CELF2: variants seen among roughly 807,000 people sequenced by gnomAD.
CELF2 encodes CUG triplet repeat RNA-binding protein 2.
A neutral mutation model predicts 62.6 loss-of-function variants in CELF2; 8 were observed. That is an observed-to-expected ratio of 0.13 (90% CI 0.07 to 0.23). The LOEUF is 0.23. CELF2 is among the 10% of genes least tolerant of loss of function. The pLI is 1.00. For missense variants in CELF2, 333 were observed against 671.0 expected (o/e 0.50, Z 5.56); for synonymous variants, 258 against 250.0 (o/e 1.03, Z -0.30).
chr10:11,313,907 A>C (rs2094735565), intron 9 of CELF2, among the ~76,000 whole-genome samples: 1 of 152,066 alleles, frequency 6.6e-6, no homozygotes, highest in South Asian at 2.1e-4. Flanking sequence ...AGATTTCCCC[A>C]CCATCCAGCA....
intron 1 of CELF2, among the ~76,000 whole-genome samples, chr10:11,135,109 G>T (rs1248040474): frequency 6.6e-6 from 1 of 152,166 alleles, no homozygotes; most frequent in Non-Finnish European, 1.5e-5. Context: ...AGGAAAAAAT[G>T]CTGCTTTGGT....
At chr10:11,283,823 GGTGGATGATGGATGGA>G (rs1208737870) in intron 8 of CELF2, among the ~76,000 whole-genome samples, 3 of 151,996 alleles carry the variant, frequency 2.0e-5, no homozygotes, top group South Asian at 2.1e-4. Context: ...GTGGATGGTG[GGTGGATGATGGATGGA>G]GTGGATGAGG....
At chr10:10,649,508 C>A in the CELF2 span, among the ~76,000 whole-genome samples, 1 of 151,806 alleles carries the variant, frequency 6.6e-6, no homozygotes. Flanking sequence ...GTTTTACATA[C>A]AGATATATCT....
intron 1 of CELF2, among the ~76,000 whole-genome samples, chr10:10,821,170 T>G (rs1446548671): frequency 6.6e-6 from 1 of 151,950 alleles, no homozygotes; most frequent in African/African-American, 2.4e-5. Context: ...GGCAACCAGG[T>G]TTGGGGTTGA....
chr10:10,739,303 T>C, the CELF2 span, among the ~76,000 whole-genome samples: 1 of 152,216 alleles, frequency 6.6e-6, no homozygotes, highest in Non-Finnish European at 1.5e-5. Flanking sequence ...ATTTACATAA[T>C]AAAATTTGTT....
chr10:10,594,448 T>A, the CELF2 span, among the ~76,000 whole-genome samples: 1 of 152,200 alleles, frequency 6.6e-6, no homozygotes, highest in African/African-American at 2.4e-5. Flanking sequence ...TGCGAAACTC[T>A]GGCCATCCCA....
At chr10:10,915,246 A>G (rs1591858372) in intron 1 of CELF2, among the ~76,000 whole-genome samples, 1 of 152,166 alleles carries the variant, frequency 6.6e-6, no homozygotes, top group Non-Finnish European at 1.5e-5. Context: ...AAATACTGCT[A>G]TAACTATATC....
chr10:10,687,705 G>A, the CELF2 span, among the ~76,000 whole-genome samples: 2 of 152,114 alleles, frequency 1.3e-5, no homozygotes, highest in Admixed American at 6.5e-5. Flanking sequence ...GTTAAATTTT[G>A]TATCTAATTT....
the CELF2 span, among the ~76,000 whole-genome samples, chr10:10,606,513 C>T: frequency 7.2e-5 from 11 of 152,238 alleles, no homozygotes; most frequent in Admixed American, 2.0e-4. Context: ...GAGGCAGGCA[C>T]CACTGCCACT....
intron 1 of CELF2, among the ~76,000 whole-genome samples, chr10:11,068,162 A>T (rs1052552705): frequency 1.3e-5 from 2 of 152,224 alleles, no homozygotes; most frequent in Non-Finnish European, 2.9e-5. Flanking sequence ...CTGATTCCAG[A>T]TGCTGAGGAA....
chr10:10,900,999 C>G (rs562915004), intron 1 of CELF2, among the ~76,000 whole-genome samples: 3 of 152,166 alleles, frequency 2.0e-5, no homozygotes, highest in Non-Finnish European at 2.9e-5. Context: ...AATCTGTACA[C>G]TGAAAACACA....
chr10:10,471,134 T>TA, the CELF2 span, among the ~76,000 whole-genome samples: 454 of 151,812 alleles, frequency 3.0e-3, 3 homozygotes, highest in African/African-American at 0.011. Context: ...CAATAATCAA[T>TA]ATATATTTTG....
chr10:10,767,649 C>T, the CELF2 span, among the ~76,000 whole-genome samples: 1 of 152,104 alleles, frequency 6.6e-6, no homozygotes, highest in Non-Finnish European at 1.5e-5. Context: ...TCCCAAGGGG[C>T]CATATGAATC....
At chr10:11,133,172 C>G (rs2059875389) in intron 1 of CELF2, among the ~76,000 whole-genome samples, 1 of 152,288 alleles carries the variant, frequency 6.6e-6, no homozygotes, top group East Asian at 1.9e-4. Flanking sequence ...AGAAGGCAAA[C>G]ACATCTAACT....
chr10:11,303,483 G>A (rs1466215186), intron 9 of CELF2, among the ~76,000 whole-genome samples: 1 of 152,204 alleles, frequency 6.6e-6, no homozygotes, highest in East Asian at 1.9e-4. Context: ...TTTGAGGACA[G>A]AATACCCAGA....
At chr10:10,667,297 TGTCA>T in the CELF2 span, among the ~76,000 whole-genome samples, 1 of 152,244 alleles carries the variant, frequency 6.6e-6, no homozygotes, top group Admixed American at 6.5e-5. Context: ...TGACTGCCCC[TGTCA>T]GTCGATGCTG....
In CELF2 at chr10:10,808,305, G is replaced by A. The variant is rs551060897; in HGVS notation, c.53+9488G>A. On this transcript the variant is annotated intron_variant, in intron 1 of 13. Transcript: ENST00000636488. The stretch of plus-strand genomic sequence containing the variant: ...AACTTTTGAAATACCACATTTACCT[G>A]TACAAATATAACCTGGGGAAGGTTA... Among the ~76,000 whole-genome samples the A allele has an allele frequency of 9.9e-5, 15 of 152,278 alleles. No homozygotes were observed. In the East Asian group the frequency reaches 2.9e-3, roughly 29 times the overall value.
rs1589723682 is a variant in CELF2, at chr10:11,244,153, C to T, written c.355-5000C>T. Among the ~76,000 whole-genome samples, 1 of 152,324 alleles carries T rather than the reference C, an allele frequency of 6.6e-6. No individual in the cohort carries two copies. Among genetic ancestry groups the T allele is most frequent in the South Asian group, 2.1e-4 (1 of 4,828 alleles). The stretch of plus-strand genomic sequence containing the variant: ...GCAGTTGAGAAGCAACAGTTCTGAC[C>T]CCACTCATTTCATCATTAGCTCTTG... On this transcript the variant is annotated intron_variant, in intron 3 of 12. Transcript: ENST00000633077. The surrounding 1 kb of genome is among the most constrained non-coding windows in gnomAD (Gnocchi z 4.2).
the CELF2 span, among the ~76,000 whole-genome samples, chr10:10,703,032 T>C: frequency 2.0e-5 from 3 of 152,218 alleles, no homozygotes; most frequent in Non-Finnish European, 4.4e-5. Context: ...CCCACTCTCC[T>C]TGACAGCATC....
Sources: allele counts gnomAD v4.1 joint callset (sites outside exome capture counted in the v4.1 genomes callset), GRCh38; gene constraint gnomAD v4.1.1; non-coding constraint Gnocchi (gnomAD v3.1); transcripts MANE v1.5; gene names NCBI Gene and HGNC (gene_info 2026-07-23, HGNC 2026-07-21).